Variants in CDCA7L observed in about 807,000 individuals in gnomAD.
CDCA7L encodes the protein cell division cycle associated 7 like.
In CDCA7L, 44 loss-of-function variants were observed where a neutral mutation model predicts 57.4. That is an observed-to-expected ratio of 0.77 (90% confidence interval 0.60 to 0.98). CDCA7L has a LOEUF of 0.98. Ranked by LOEUF, CDCA7L falls within the 50% of genes least tolerant of loss-of-function variation. The pLI is 0.00. For missense variants in CDCA7L, 644 were observed against 580.6 expected, an observed-to-expected ratio of 1.11 and a Z score of -1.12; for synonymous variants, 236 against 202.8, an observed-to-expected ratio of 1.16 and a Z score of -1.39.
Position 21,908,080 on chromosome 7 carries a change from G to A in CDCA7L, c.681+50C>T, listed in dbSNP as rs768973854. On this transcript the variant is annotated intron_variant, in intron 4 of 9. Coordinates refer to ENST00000406877, the MANE Select transcript of CDCA7L (RefSeq NM_018719.5). ...AAGTGGTTCTGGGAGCCCAGCAACT[G>A]CTGCCAGAGCCTGGTGCCAACTCCC... 2.0e-6 allele frequency: 3 copies of A among 1,489,664 alleles called. No homozygotes were observed. The South Asian group carries it at 4.2e-5, about 21-fold the overall frequency. 92.3% of individuals were successfully genotyped at this position (1,489,664 alleles called of 1,614,324 possible).
intron 1 of CDCA7L, among the ~76,000 whole-genome samples, chr7:21,942,483 C>T (rs112002065): frequency 6.6e-6 from 1 of 152,090 alleles, no homozygotes. Context: ...TGAATAAAGC[C>T]GAGTCTTTTC....
intron 6 of CDCA7L, 32 bp downstream of exon 6, chr7:21,906,257 A>G (rs776219711): frequency 6.4e-7 from 1 of 1,558,536 alleles, no homozygotes; most frequent in Middle Eastern, 1.8e-4. Flanking sequence ...TAGCTCAGAC[A>G]AAAACTAATT....
chr7:21,926,107 CAGTT>C (rs1291091251), intron 1 of CDCA7L, among the ~76,000 whole-genome samples: 1 of 152,120 alleles, frequency 6.6e-6, no homozygotes, highest in Non-Finnish European at 1.5e-5. Flanking sequence ...AGGGCAACCA[CAGTT>C]AGACTTACTC....
At chr7:21,940,060 A>C (rs1414859706) in intron 1 of CDCA7L, among the ~76,000 whole-genome samples, 1 of 151,842 alleles carries the variant, frequency 6.6e-6, no homozygotes, top group East Asian at 1.9e-4. Context: ...CTCACACCAG[A>C]ACCTGGGCTG....
At chr7:21,909,959 CA>C (rs2128059120) in intron 3 of CDCA7L, among the ~76,000 whole-genome samples, 1 of 152,278 alleles carries the variant, frequency 6.6e-6, no homozygotes, top group East Asian at 1.9e-4. Flanking sequence ...CCAGTTCCCA[CA>C]GGGGTGGGCA....
chr7:21,901,077 G>C lies in CDCA7L; in HGVS notation c.*1245C>G, dbSNP rs201444942. 3 of 1,613,688 alleles carry C rather than the reference G, an allele frequency of 1.9e-6. No individual in the cohort carries two copies. The African/African-American group carries it at 4.0e-5, about 22-fold the overall frequency. On this transcript the variant is annotated 3_prime_UTR_variant, in exon 10 of 10. Coordinates refer to ENST00000406877, the MANE Select transcript of CDCA7L (RefSeq NM_018719.5). ...TCAAGGAGCTGGCATGCCCTATGCC[G>C]GTCATCTTTGCAAAAGCCACCCCCG...
intron 1 of CDCA7L, among the ~76,000 whole-genome samples, chr7:21,933,776 A>G (rs548786006): frequency 6.1e-4 from 92 of 151,724 alleles, no homozygotes; most frequent in Non-Finnish European, 1.2e-3. Context: ...CGTTCTGCAC[A>G]TGCATCCCAG....
At chr7:21,922,390 A>G (rs1055536808) in intron 1 of CDCA7L, among the ~76,000 whole-genome samples, 5 of 152,172 alleles carry the variant, frequency 3.3e-5, no homozygotes, top group African/African-American at 9.6e-5. Context: ...CTGAACACAT[A>G]TATCAGGGAA....
intron 1 of CDCA7L, among the ~76,000 whole-genome samples, chr7:21,945,111 T>C (rs1055393155): frequency 1.3e-5 from 2 of 152,136 alleles, no homozygotes; most frequent in South Asian, 2.1e-4. Flanking sequence ...ACTGAAACGT[T>C]TGGGGGAACT....
At chr7:21,928,671 A>T (rs1218574314) in intron 1 of CDCA7L, among the ~76,000 whole-genome samples, 1 of 151,890 alleles carries the variant, frequency 6.6e-6, no homozygotes, top group South Asian at 2.1e-4. Context: ...AAGTATCAAT[A>T]GCCAAATCGA....
chr7:21,909,891 A>G (rs1785261172), intron 3 of CDCA7L, among the ~76,000 whole-genome samples: 1 of 152,196 alleles, frequency 6.6e-6, no homozygotes, highest in Non-Finnish European at 1.5e-5. Flanking sequence ...GCATCCGGCC[A>G]GCAGACCCCT....
chr7:21,909,493 C>T (rs1003541149), intron 3 of CDCA7L, among the ~76,000 whole-genome samples: 13 of 152,006 alleles, frequency 8.6e-5, no homozygotes, highest in Admixed American at 6.6e-4. Flanking sequence ...CCCAAACTCT[C>T]GTTGGACTAA....
Position 21,908,125 on chromosome 7 carries a change from C to T in CDCA7L, c.681+5G>A. ...ACTCCCAGGACGCCCTCCGTGAAGC[C>T]TCACCATGGCTTTGTTCTCCTTGAT... On this transcript the variant is annotated splice_donor_5th_base_variant and intron_variant, in intron 4 of 9. Coordinates refer to ENST00000406877, the MANE Select transcript of CDCA7L (RefSeq NM_018719.5). 2.0e-6 allele frequency: 3 copies of T among 1,519,438 alleles called. No individual in the cohort carries two copies. The highest frequency in any genetic ancestry group is 2.6e-6 in the Non-Finnish European group (3 of 1,144,672). 94.1% of individuals were successfully genotyped at this position (1,519,438 alleles called of 1,614,324 possible). A position where few individuals can be genotyped will look rare whatever the true frequency, so the allele number is the denominator to read the frequency against.
At position 21,901,203 on chromosome 7, in the gene CDCA7L, G is replaced by GAAGACTGCAAAATGGGTTCTGGC; in HGVS notation, c.*1096_*1118dup. Reference sequence around the variant, plus strand: ...GGACCTTCAGGCTGAAGAGCGAAGAGAAGACTGCAAAATGGGTTCTGGCTG... The same window carrying GAAGACTGCAAAATGGGTTCTGGC: ...GGACCTTCAGGCTGAAGAGCGAAGAGAAGACTGCAAAATGGGTTCTGGCAAGACTGCAAAATGGGTTCTGGCTG... On this transcript the variant is annotated 3_prime_UTR_variant, in exon 10 of 10. Coordinates refer to ENST00000406877, the MANE Select transcript of CDCA7L (RefSeq NM_018719.5). 1.2e-6 allele frequency: 2 copies of GAAGACTGCAAAATGGGTTCTGGC among 1,613,710 alleles called. No homozygotes were observed.
At chr7:21,922,066 T>C (rs1156418072) in intron 1 of CDCA7L, among the ~76,000 whole-genome samples, 3 of 152,226 alleles carry the variant, frequency 2.0e-5, no homozygotes, top group African/African-American at 7.2e-5. Flanking sequence ...CATCTGACTT[T>C]GTAGCCATTT....
At position 21,902,324 on chromosome 7, in the gene CDCA7L, AATTGTCTTCTACC is replaced by A; in HGVS notation, c.1350_1362del (p.Val451LysfsTer40). ...GGCTGGTTCTGTTTGTTTTCCTCTT[AATTGTCTTCTACC>A]AGCTCCTTTTGTAAGCTGGGAAAAA... is the stretch of plus-strand genomic sequence containing the variant. On this transcript the variant is annotated frameshift_variant, in exon 10 of 10. Coordinates refer to ENST00000406877, the MANE Select transcript of CDCA7L (RefSeq NM_018719.5). LOFTEE classifies it high-confidence loss of function. 1 of 1,613,750 alleles carries A rather than the reference AATTGTCTTCTACC, an allele frequency of 6.2e-7. No homozygotes were observed. Among genetic ancestry groups the A allele is most frequent in the Non-Finnish European group, 8.5e-7 (1 of 1,179,732 alleles).
At chr7:21,936,702 A>G (rs1002942000) in intron 1 of CDCA7L, among the ~76,000 whole-genome samples, 2 of 152,170 alleles carry the variant, frequency 1.3e-5, no homozygotes, top group Non-Finnish European at 2.9e-5. Context: ...CGCAACTAAC[A>G]AGATACTCAA....
At chr7:21,945,392 T>C (rs954211808) in intron 1 of CDCA7L, among the ~76,000 whole-genome samples, 3 of 151,328 alleles carry the variant, frequency 2.0e-5, no homozygotes, top group Admixed American at 6.6e-5. Context: ...TTCTTAAGCT[T>C]CCTGATCTCT....
intron 8 of CDCA7L, 73 bp downstream of exon 8, chr7:21,904,037 C>CCCA: frequency 7.0e-7 from 1 of 1,420,034 alleles, no homozygotes; most frequent in Non-Finnish European, 9.4e-7. Flanking sequence ...CCAGTGAGAA[C>CCCA]CCAGGAGGCC....
Sources: allele counts gnomAD v4.1 joint callset (sites outside exome capture counted in the v4.1 genomes callset), GRCh38; gene constraint gnomAD v4.1.1; transcripts MANE v1.5; gene names NCBI Gene and HGNC (gene_info 2026-07-23, HGNC 2026-07-21).